The following GALNT14 variants were observed in gnomAD, a reference collection of about 807,000 sequenced individuals.
GALNT14 encodes the protein polypeptide N-acetylgalactosaminyltransferase 14.
A neutral mutation model predicts 77.5 loss-of-function variants in GALNT14; 60 were observed. The ratio of observed to expected loss-of-function variants is 0.77; its 90% CI spans 0.63 to 0.96. GALNT14 has a LOEUF of 0.96. Among genes scored for constraint, GALNT14 ranks in the 40% least tolerant of loss-of-function variants. The probability of loss-of-function intolerance (pLI) is 0.00; values close to 1 mark genes in which losing one functional copy is unlikely to be tolerated. For synonymous variants in GALNT14, 280 were observed against 281.7 expected (o/e 0.99, Z 0.06); for missense variants, 710 against 731.0 (o/e 0.97, Z 0.33).
intron 1 of GALNT14, among the ~76,000 whole-genome samples, chr2:31,058,738 G>T (rs1400380074): frequency 6.6e-6 from 1 of 152,146 alleles, no homozygotes; most frequent in Non-Finnish European, 1.5e-5. Flanking sequence ...AACGTCCCAT[G>T]ACATCTCCAC....
At chr2:31,022,067 T>C (rs1671755292) in intron 1 of GALNT14, among the ~76,000 whole-genome samples, 2 of 152,218 alleles carry the variant, frequency 1.3e-5, no homozygotes. Flanking sequence ...CCGTCTTCCC[T>C]GTGGTTCTGA....
chr2:31,059,113 T>C (rs1674423618), intron 1 of GALNT14, among the ~76,000 whole-genome samples: 1 of 152,198 alleles, frequency 6.6e-6, no homozygotes, highest in South Asian at 2.1e-4. Context: ...AAGAAACATC[T>C]GTTTAAGCAC....
At chr2:31,108,897 A>T (rs1032245608) in intron 1 of GALNT14, among the ~76,000 whole-genome samples, 6 of 152,244 alleles carry the variant, frequency 3.9e-5, no homozygotes, top group African/African-American at 1.4e-4. Flanking sequence ...GACTATGGGC[A>T]TAGAAGTCAG....
At chr2:31,020,601 A>G (rs1307070067) in intron 1 of GALNT14, among the ~76,000 whole-genome samples, 1 of 152,088 alleles carries the variant, frequency 6.6e-6, no homozygotes, top group Non-Finnish European at 1.5e-5. Context: ...TCGACTCCTC[A>G]ACTTTCATGC....
chr2:30,912,039 G>A (rs1265564426), intron 14 of GALNT14, among the ~76,000 whole-genome samples, 184 bp downstream of exon 14: 2 of 152,200 alleles, frequency 1.3e-5, no homozygotes, highest in Admixed American at 6.5e-5. Flanking sequence ...GAGGGTGGAT[G>A]TTGCCATTGC....
intron 2 of GALNT14, among the ~76,000 whole-genome samples, chr2:30,974,263 C>T (rs531952199): frequency 6.6e-6 from 1 of 152,348 alleles, no homozygotes; most frequent in Admixed American, 6.5e-5. Flanking sequence ...TCTTCTTTAT[C>T]TCTCCATCTG....
chr2:30,897,881 G>T, the GALNT14 span, among the ~76,000 whole-genome samples: 1 of 152,208 alleles, frequency 6.6e-6, no homozygotes, highest in African/African-American at 2.4e-5. Flanking sequence ...GGACAAATGA[G>T]CGGTGCTTGC....
At chr2:30,948,463 C>T (rs544559144) in intron 6 of GALNT14, among the ~76,000 whole-genome samples, 2 of 152,184 alleles carry the variant, frequency 1.3e-5, no homozygotes, top group Non-Finnish European at 2.9e-5. Context: ...CTCAACTTGA[C>T]CTCTGAAAAG....
chr2:30,989,682 AATATATATTAGTATATATATAAAT>A (rs989468248), intron 2 of GALNT14, among the ~76,000 whole-genome samples: 19 of 115,282 alleles, frequency 1.6e-4, no homozygotes, highest in Admixed American at 3.3e-4. Context: ...ATATATAAAA[AATATATATTAGTATATATATAAAT>A]ATATATATTA....
chr2:30,957,850 G>C (rs1234178192), intron 4 of GALNT14, among the ~76,000 whole-genome samples: 1 of 152,206 alleles, frequency 6.6e-6, no homozygotes, highest in Non-Finnish European at 1.5e-5. Flanking sequence ...CGGCCTTCAG[G>C]TGAGGTGTCG....
intron 4 of GALNT14, 142 bp downstream of exon 4, chr2:30,958,255 C>T (rs531618308): frequency 5.2e-5 from 32 of 610,260 alleles, no homozygotes; most frequent in East Asian, 3.2e-4. Context: ...AGCCTAGCCA[C>T]GGACGCTCAA....
intron 1 of GALNT14, among the ~76,000 whole-genome samples, chr2:31,081,338 T>C (rs1435369910): frequency 6.6e-6 from 1 of 152,252 alleles, no homozygotes; most frequent in Non-Finnish European, 1.5e-5. Flanking sequence ...ATAGCAAGAA[T>C]GTTTTCCAAA....
intron 1 of GALNT14, among the ~76,000 whole-genome samples, chr2:31,102,034 G>A (rs1024648104): frequency 6.6e-6 from 1 of 152,088 alleles, no homozygotes; most frequent in Non-Finnish European, 1.5e-5. Flanking sequence ...CAGCCATGCT[G>A]AACTGTGAGT....
rs1485227586 is a variant in GALNT14 at position 31,138,377 on chromosome 2, ACGCCGCCACCGCGGCTGC to A, written c.-309_-292del. 15 of 384,686 alleles carry A rather than the reference ACGCCGCCACCGCGGCTGC, an allele frequency of 3.9e-5. No individual in the cohort carries two copies. Among genetic ancestry groups the A allele is most frequent in the Non-Finnish European group, 6.5e-5 (14 of 215,730 alleles). The allele number at this position is 384,686 out of a possible 1,614,324, so 23.8% of individuals were successfully genotyped here. ...CGCGGTGGCTGCCGAGATGTTCCCC[ACGCCGCCACCGCGGCTGC>A]CGCCGCCGCCGCCGCCGCCTTGCCC... On this transcript the variant is annotated 5_prime_UTR_variant, in exon 1 of 15. Coordinates refer to ENST00000349752, the MANE Select transcript of GALNT14 (RefSeq NM_024572.4).
At chr2:30,912,829 G>T (rs931694833) in intron 13 of GALNT14, among the ~76,000 whole-genome samples, 2 of 152,104 alleles carry the variant, frequency 1.3e-5, no homozygotes, top group Non-Finnish European at 2.9e-5. Flanking sequence ...TGAGACTAGA[G>T]CACATGAGAG....
intron 1 of GALNT14, among the ~76,000 whole-genome samples, chr2:31,001,224 C>T (rs577510569): frequency 6.6e-6 from 1 of 152,190 alleles, no homozygotes; most frequent in East Asian, 1.9e-4. Context: ...AAACCAGATA[C>T]TCCCAGGGGA....
At chr2:31,122,401 C>T (rs1573379915) in intron 1 of GALNT14, among the ~76,000 whole-genome samples, 1 of 152,320 alleles carries the variant, frequency 6.6e-6, no homozygotes, top group South Asian at 2.1e-4. Flanking sequence ...CTTGGAATCG[C>T]ATTTAACTCC....
In GALNT14 at chr2:30,924,235, C is replaced by G; in HGVS notation, c.1264G>C (p.Gly422Arg). 4 of 1,614,124 alleles carry G rather than the reference C, an allele frequency of 2.5e-6. No homozygotes were observed. The highest frequency in any genetic ancestry group is 3.4e-6 in the Non-Finnish European group (4 of 1,180,030). ...CACTTCTGTCTCTGTCGGATATTGC[C>G]CTTCTGGATGGAGGACTCCTTGGGG... ...SIPKESSIQK[G>R]NIRQRQKCLE... The change falls in exon 13 of 15, where the codon GGC (glycine) becomes CGC (arginine). Residue 422 changes from glycine to arginine, a missense_variant. Coordinates refer to ENST00000349752, the MANE Select transcript of GALNT14 (RefSeq NM_024572.4).
Position 31,002,512 on chromosome 2 carries a change from T to C in GALNT14, c.130-9505A>G, listed in dbSNP as rs539474815. 3.3e-5 allele frequency among the ~76,000 whole-genome samples: 5 copies of C among 152,154 alleles called. No homozygotes were observed. The East Asian group carries it at 5.8e-4, about 18-fold the overall frequency. ...ACTGTGTTCCTTCCATATCACCAGA[T>C]GCTCCAGTCAGCCACAAGACCACTC... On this transcript the variant is annotated intron_variant, in intron 1 of 14. Coordinates refer to ENST00000349752, the MANE Select transcript of GALNT14 (RefSeq NM_024572.4).
Sources: allele counts gnomAD v4.1 joint callset (sites outside exome capture counted in the v4.1 genomes callset), GRCh38; gene constraint gnomAD v4.1.1; transcripts MANE v1.5; gene names NCBI Gene and HGNC (gene_info 2026-07-23, HGNC 2026-07-21).